The following TMEM114 variants were observed in gnomAD, a reference collection of about 807,000 sequenced individuals.
TMEM114 encodes transmembrane protein 114, also known as claudin-26.
A neutral mutation model predicts 6.2 loss-of-function variants in TMEM114; 6 were observed. The observed-to-expected ratio is 0.97, with a 90% CI of 0.53 to 1.91. The LOEUF (loss-of-function observed/expected upper bound fraction) is 1.91, where lower values mean the gene tolerates loss of function less well. TMEM114 is among the 40% of genes most tolerant of loss of function. The pLI is 0.01. For missense variants in TMEM114, 218 were observed against 158.3 expected (o/e 1.38, Z -2.02); for synonymous variants, 104 against 73.0 (o/e 1.42, Z -2.16).
intron 2 of TMEM114, among the ~76,000 whole-genome samples, chr16:8,557,370 G>A (rs971712409): frequency 1.8e-4 from 27 of 152,062 alleles, no homozygotes; most frequent in Non-Finnish European, 3.4e-4. Flanking sequence ...GTAGCCCATG[G>A]GGAGAGCCAT....
intron 2 of TMEM114, among the ~76,000 whole-genome samples, chr16:8,550,177 C>A (rs546331541): frequency 6.6e-6 from 1 of 152,344 alleles, no homozygotes; most frequent in South Asian, 2.1e-4. Context: ...GCCGTGCTGG[C>A]AGCTAATTGG....
chr16:8,533,798 G>A (rs564307436), downstream of TMEM114, among the ~76,000 whole-genome samples: 1 of 152,306 alleles, frequency 6.6e-6, no homozygotes, highest in South Asian at 2.1e-4. Context: ...ATCTCTTTCA[G>A]CAGGAACTTT....
At chr16:8,572,623 A>C (rs555816793) in intron 2 of TMEM114, among the ~76,000 whole-genome samples, 1 of 152,104 alleles carries the variant, frequency 6.6e-6, no homozygotes, top group Admixed American at 6.6e-5. Context: ...TTTGGTAAAG[A>C]TGAAGTCTTG....
At chr16:8,573,075 T>C (rs1048297456) in intron 2 of TMEM114, among the ~76,000 whole-genome samples, 2 of 152,228 alleles carry the variant, frequency 1.3e-5, no homozygotes, top group African/African-American at 2.4e-5. Context: ...GGTTTTGTTT[T>C]GTTTAAAGTT....
At chr16:8,554,796 C>T (rs9935078) in intron 2 of TMEM114, among the ~76,000 whole-genome samples, 65,207 of 151,960 alleles carry the variant, frequency 0.43, 14,307 homozygotes, top group East Asian at 0.52. Context: ...ACTTATGCAA[C>T]GGCCACAACA....
intron 2 of TMEM114, among the ~76,000 whole-genome samples, chr16:8,538,481 G>A (rs946750497): frequency 2.0e-5 from 3 of 151,236 alleles, no homozygotes; most frequent in South Asian, 2.1e-4. Context: ...AAGAATGTGT[G>A]TGCTGTGGTT....
chr16:8,559,441 C>G (rs1007963251), intron 2 of TMEM114, among the ~76,000 whole-genome samples: 6 of 152,170 alleles, frequency 3.9e-5, no homozygotes, highest in Non-Finnish European at 7.3e-5. Flanking sequence ...TCAAGCATTA[C>G]AGGTGAATCC....
At chr16:8,568,202 C>T (rs1188157550), downstream of TMEM114, among the ~76,000 whole-genome samples, 1 of 152,184 alleles carries the variant, frequency 6.6e-6, no homozygotes, top group Non-Finnish European at 1.5e-5. Flanking sequence ...CCACGGGCTA[C>T]GTATTTCATA....
chr16:8,564,697 G>C (rs796766834), downstream of TMEM114, among the ~76,000 whole-genome samples: 1 of 89,268 alleles, frequency 1.1e-5, no homozygotes, highest in African/African-American at 4.5e-5. Context: ...GAGTGAATGA[G>C]TGAGTGAGTG....
At chr16:8,527,422 G>A in the TMEM114 span, among the ~76,000 whole-genome samples, 1 of 152,162 alleles carries the variant, frequency 6.6e-6, no homozygotes, top group Non-Finnish European at 1.5e-5. Context: ...CTGTTTATCT[G>A]AACCTCAGTC....
At chr16:8,557,307 C>T (rs1035952072) in intron 2 of TMEM114, among the ~76,000 whole-genome samples, 5 of 152,110 alleles carry the variant, frequency 3.3e-5, no homozygotes, top group African/African-American at 1.2e-4. Context: ...CCAGGAACTG[C>T]CATATAAGCC....
intron 2 of TMEM114, among the ~76,000 whole-genome samples, chr16:8,555,416 A>G (rs774990503): frequency 6.6e-6 from 1 of 152,180 alleles, no homozygotes; most frequent in Non-Finnish European, 1.5e-5. Context: ...TTTTAATGAT[A>G]TACTAATTAA....
intron 2 of TMEM114, among the ~76,000 whole-genome samples, chr16:8,584,010 A>G (rs566843253): frequency 6.6e-6 from 1 of 152,298 alleles, no homozygotes; most frequent in East Asian, 1.9e-4. Flanking sequence ...AGGACTGAGC[A>G]TGTCACCCAA....
rs60193962 is a variant in TMEM114, at chr16:8,574,582, C to CTTCTTTCTTTCTTTCTTTCTTTCT, written c.302-2382_302-2359dup. Among the ~76,000 whole-genome samples, 1,031 of 142,550 alleles carry CTTCTTTCTTTCTTTCTTTCTTTCT rather than the reference C, an allele frequency of 7.2e-3. 18 individuals are homozygous for CTTCTTTCTTTCTTTCTTTCTTTCT. Among genetic ancestry groups the CTTCTTTCTTTCTTTCTTTCTTTCT allele is most frequent in the African/African-American group, 0.025 (952 of 38,638 alleles). 93.5% of individuals were successfully genotyped at this position (142,550 alleles called of 152,430 possible). ...CTTTCTTTCTTTCTTTCCTTCCTTC[C>CTTCTTTCTTTCTTTCTTTCTTTCT]TTCTTTCTTTCTTTCTTTCTTTCTT... On this transcript the variant is annotated intron_variant, in intron 2 of 3. Transcript: ENST00000620492.
chr16:8,570,102 C>T, intron 3 of TMEM114, 97 bp from the exon 4 acceptor site: 1 of 1,446,266 alleles, frequency 6.9e-7, no homozygotes, highest in African/African-American at 1.4e-5. Context: ...GCTCAGCGTC[C>T]AGCGTCCTCG....
chr16:8,582,378 C>A (rs541339953), intron 2 of TMEM114, among the ~76,000 whole-genome samples: 1 of 152,318 alleles, frequency 6.6e-6, no homozygotes, highest in Non-Finnish European at 1.5e-5. Flanking sequence ...CTGGAACATA[C>A]CAAGCTCAGT....
chr16:8,556,892 C>T (rs961952287), intron 2 of TMEM114, among the ~76,000 whole-genome samples: 1 of 152,188 alleles, frequency 6.6e-6, no homozygotes, highest in Non-Finnish European at 1.5e-5. Context: ...GATCTCAATG[C>T]TCCTCCCTGT....
chr16:8,570,070 C>A, intron 3 of TMEM114, 65 bp from the exon 4 acceptor site: 1 of 1,496,980 alleles, frequency 6.7e-7, no homozygotes, highest in Non-Finnish European at 9.0e-7. Context: ...CCCTCCTCCT[C>A]CTCGCCCTGC....
chr16:8,542,566 T>C (rs1900547368), intron 2 of TMEM114, among the ~76,000 whole-genome samples: 1 of 152,192 alleles, frequency 6.6e-6, no homozygotes, highest in Admixed American at 6.5e-5. Context: ...AGGGAGTGGT[T>C]GGAAATGCAA....
Sources: gnomAD v4.1 joint callset for allele counts (sites outside exome capture counted in the v4.1 genomes callset) on GRCh38, gnomAD v4.1.1 for gene constraint, MANE v1.5 for transcripts, NCBI Gene and HGNC (gene_info 2026-07-23, HGNC 2026-07-21) for gene names.